SAGE1: variants seen among roughly 807,000 people sequenced by gnomAD.
The protein encoded by SAGE1 is sarcoma antigen 1.
In SAGE1, 55 loss-of-function variants were observed where a neutral mutation model predicts 55.4. That is an observed-to-expected ratio of 0.99 (90% CI 0.80 to 1.24). SAGE1 has a LOEUF of 1.24. SAGE1 is among the 50% of genes most tolerant of loss of function. The pLI is 0.00. For missense variants in SAGE1, 710 were observed against 704.4 expected (o/e 1.01, Z -0.09); for synonymous variants, 240 against 244.3 (o/e 0.98, Z 0.17).
intron 11 of SAGE1, 70 bp downstream of exon 11, chrX:135,908,299 T>C (rs1246129119): frequency 3.1e-5 from 34 of 1,082,339 alleles, no homozygotes; most frequent in Non-Finnish European, 4.0e-5. Flanking sequence ...AATGGAAGAA[T>C]GTGGTTTTAT....
chrX:135,912,380 C>A lies in SAGE1; in HGVS notation c.2581C>A (p.Gln861Lys), dbSNP rs2148099936. The A allele has an allele frequency of 8.3e-7, 1 of 1,205,634 alleles. No individual in the cohort carries two copies. The highest frequency in any genetic ancestry group is 1.1e-6 in the Non-Finnish European group (1 of 893,334). ...ACAAGGATCTATGAAAGTCAAGAGA[C>A]AATTTGTTGAATTTACCATCAAGGA... ...EVQGSMKVKR[Q>K]FVEFTIKEAA... Residue 861 changes from glutamine (Q) to lysine (K), a missense_variant, in exon 19 of 20, where the codon CAA (glutamine) becomes AAA (lysine). Physicochemically the swap from Gln to Lys is moderately conservative, Grantham distance 53. Transcript: ENST00000370709.
In SAGE1 at chrX:135,908,492, A is replaced by G. The variant is rs1556603671; in HGVS notation, c.1316A>G (p.His439Arg). Residue 439 changes from histidine (H) to arginine (R), a missense_variant, in exon 12 of 20, where the codon CAC becomes CGC. Coordinates refer to ENST00000370709, the MANE Select transcript of SAGE1 (RefSeq NM_001381902.1). ...TGGTTTCTAGATGCTACCGTCAATC[A>G]CCATGTCCATGAAGCAAGGATGGAA... ...STRDQYATVN[H>R]HVHEARMENG... 9.1e-6 allele frequency: 11 copies of G among 1,205,896 alleles called. No individual in the cohort carries two copies. Among genetic ancestry groups the G allele is most frequent in the Non-Finnish European group, 1.2e-5 (11 of 893,353 alleles).
intron 19 of SAGE1, 66 bp from the exon 20 acceptor site, chrX:135,912,732 C>T: frequency 8.5e-7 from 1 of 1,170,911 alleles, no homozygotes; most frequent in Non-Finnish European, 1.1e-6. Context: ...TGTATCCACT[C>T]TACCTCTTAC....
chrX:135,912,485 A>G, intron 19 of SAGE1, 71 bp downstream of exon 19: 7 of 1,187,134 alleles, frequency 5.9e-6, no homozygotes, highest in Non-Finnish European at 7.9e-6. Context: ...GCAGGAAAAA[A>G]TCATGGTTTG....
At chrX:135,912,729 A>G in intron 19 of SAGE1, 69 bp from the exon 20 acceptor site, 1 of 1,164,938 alleles carries the variant, frequency 8.6e-7, no homozygotes, top group Non-Finnish European at 1.1e-6. Context: ...TTTTGTATCC[A>G]CTCTACCTCT....
intron 16 of SAGE1, among the ~76,000 whole-genome samples, chrX:135,910,959 T>C (rs1556606141): frequency 8.9e-6 from 1 of 112,302 alleles, no homozygotes. Flanking sequence ...TGTTTTCTTA[T>C]AAGTTGTACT....
chrX:135,896,413 T>C lies in SAGE1; in HGVS notation c.87+84T>C, dbSNP rs180883566. The C allele has an allele frequency of 7.0e-5, 44 of 626,763 alleles. No homozygotes were observed. The Admixed American group carries it at 1.1e-3, about 16-fold the overall frequency. 51.7% of individuals were successfully genotyped at this position (626,763 alleles called of 1,213,427 possible). A position where few individuals can be genotyped will look rare whatever the true frequency, so the allele number is the denominator to read the frequency against. On this transcript the variant is annotated intron_variant, in intron 2 of 19. Coordinates refer to ENST00000370709, the MANE Select transcript of SAGE1 (RefSeq NM_001381902.1). ...TCATTGGAAAGATGAATATAAACTA[T>C]ATGTGTTAATTCTCTTGATTTAAAA... is the stretch of plus-strand genomic sequence containing the variant.
Position 135,907,916 on chromosome X carries a change from G to A in SAGE1, c.1159+75G>A. 4.5e-6 allele frequency: 5 copies of A among 1,101,631 alleles called. No homozygotes were observed. The East Asian group carries it at 9.0e-5, about 20-fold the overall frequency. 90.8% of individuals were successfully genotyped at this position (1,101,631 alleles called of 1,213,427 possible). On this transcript the variant is annotated intron_variant, in intron 10 of 19. Transcript: ENST00000370709. ...CATATTGTCATCAAGGGAAGAAGAC[G>A]GTATTGTTGTATTATGTTTTCTGGC... is the stretch of plus-strand genomic sequence containing the variant.
chrX:135,910,348 G>A (rs1450101084), intron 15 of SAGE1, 67 bp from the exon 16 acceptor site: 2 of 1,137,971 alleles, frequency 1.8e-6, no homozygotes, highest in African/African-American at 1.8e-5. Context: ...CTGAGCATCA[G>A]AGGGGTATGC....
chrX:135,895,133 T>C (rs1479657956), intron 1 of SAGE1, among the ~76,000 whole-genome samples: 1 of 111,438 alleles, frequency 9.0e-6, no homozygotes, highest in Non-Finnish European at 1.9e-5. Context: ...TTTATGGAAA[T>C]AGAATCTTAG....
intron 3 of SAGE1, among the ~76,000 whole-genome samples, chrX:135,904,267 C>T (rs1452634603): frequency 3.6e-5 from 4 of 111,637 alleles, no homozygotes; most frequent in Admixed American, 2.9e-4. Context: ...GATTCCACTA[C>T]GCACCATATA....
Position 135,910,397 on chromosome X carries a change from CTCT to C in SAGE1, c.1865-13_1865-11del, listed in dbSNP as rs782295088. On this transcript the variant is annotated splice_polypyrimidine_tract_variant and intron_variant, in intron 15 of 19. Transcript: ENST00000370709. ...ATAATGCACTTACCTCACGCCCAAC[CTCT>C]TCTTTTGTTTCCAGATGCTGCAGTC... 4.1e-6 allele frequency: 5 copies of C among 1,207,015 alleles called. No homozygotes were observed. Among genetic ancestry groups the C allele is most frequent in the Non-Finnish European group, 4.5e-6 (4 of 892,520 alleles).
chrX:135,909,560 C>G, intron 13 of SAGE1, 79 bp from the exon 14 acceptor site: 6 of 954,900 alleles, frequency 6.3e-6, no homozygotes, highest in Non-Finnish European at 7.2e-6. Flanking sequence ...TTCTTACAAA[C>G]TGAACATCAG....
At chrX:135,895,006 T>TTGTTC (rs1246298551) in intron 1 of SAGE1, among the ~76,000 whole-genome samples, 2 of 111,193 alleles carry the variant, frequency 1.8e-5, no homozygotes, top group Non-Finnish European at 3.8e-5. Context: ...GTTTGTTTGT[T>TTGTTC]TGTTTTTTAA....
intron 16 of SAGE1, among the ~76,000 whole-genome samples, 172 bp downstream of exon 16, chrX:135,910,727 T>C (rs2088883735): frequency 1.8e-5 from 2 of 111,900 alleles, no homozygotes; most frequent in Non-Finnish European, 3.8e-5. Context: ...TCCTAGAAAC[T>C]GAGCATCTGA....
In SAGE1 at chrX:135,911,343, G is replaced by A; in HGVS notation, c.2146+11G>A. ...GTACCAGGGATCTGTGTATGTTTGT[G>A]TATTGGTTGTACTGTCCTACTTGGT... On this transcript the variant is annotated intron_variant, in intron 17 of 19. Coordinates refer to ENST00000370709, the MANE Select transcript of SAGE1 (RefSeq NM_001381902.1). The A allele has an allele frequency of 2.5e-6, 3 of 1,199,340 alleles. No homozygotes were observed. The highest frequency in any genetic ancestry group is 3.4e-6 in the Non-Finnish European group (3 of 887,254).
rs1569521759 is a variant in SAGE1 at position 135,911,347 on chromosome X, T to C, written c.2146+15T>C. 11 of 1,197,451 alleles carry C rather than the reference T, an allele frequency of 9.2e-6. No individual in the cohort carries two copies. Among genetic ancestry groups the C allele is most frequent in the African/African-American group, 1.8e-5 (1 of 56,304 alleles). On this transcript the variant is annotated intron_variant, in intron 17 of 19. Coordinates refer to ENST00000370709, the MANE Select transcript of SAGE1 (RefSeq NM_001381902.1). ...CAGGGATCTGTGTATGTTTGTGTAT[T>C]GGTTGTACTGTCCTACTTGGTTTCC...
intron 1 of SAGE1, among the ~76,000 whole-genome samples, chrX:135,894,046 A>ATTAT (rs1363006957): frequency 2.2e-4 from 25 of 111,490 alleles, no homozygotes; most frequent in East Asian, 5.6e-4. Context: ...TTTTCTACTT[A>ATTAT]TTATTTATTT....
rs782187651 is a variant in SAGE1, at chrX:135,907,748, C to A, written c.1066C>A (p.Gln356Lys). ...CTGTGAAGAGAGAGTGGTAAATAAC[C>A]AACCACTACCTAGTAACGCCTTGTC... ...NVCEERVVNN[Q>K]PLPSNALSTV... The change falls in exon 10 of 20, where the codon CAA becomes AAA. Residue 356 changes from glutamine to lysine, a missense_variant. Coordinates refer to ENST00000370709, the MANE Select transcript of SAGE1 (RefSeq NM_001381902.1). 2 of 1,206,683 alleles carry A rather than the reference C, an allele frequency of 1.7e-6. No individual in the cohort carries two copies. The highest frequency in any genetic ancestry group is 1.1e-6 in the Non-Finnish European group (1 of 891,293).
Sources: gnomAD v4.1 joint callset for allele counts (sites outside exome capture counted in the v4.1 genomes callset) on GRCh38, gnomAD v4.1.1 for gene constraint, MANE v1.5 for transcripts, NCBI Gene and HGNC (gene_info 2026-07-23, HGNC 2026-07-21) for gene names.